MTTP: variants seen among roughly 807,000 people sequenced by gnomAD.
MTTP encodes microsomal triglyceride transfer protein large subunit.
In MTTP, 49 loss-of-function variants were observed where a neutral mutation model predicts 90.6. The ratio of observed to expected loss-of-function variants is 0.54; its 90% CI spans 0.43 to 0.69. The LOEUF (loss-of-function observed/expected upper bound fraction) is 0.69. MTTP is among the 30% of genes least tolerant of loss of function. MTTP has a pLI of 0.00. For synonymous variants in MTTP, 347 were observed against 384.2 expected (o/e 0.90, Z 1.13); for missense variants, 945 against 1,067.5 (o/e 0.89, Z 1.60).
chr4:99,566,470 T>G (rs1373929865), intron 1 of MTTP, among the ~76,000 whole-genome samples: 1 of 152,110 alleles, frequency 6.6e-6, no homozygotes, highest in Non-Finnish European at 1.5e-5. Flanking sequence ...TACTACTCCA[T>G]GGGTTACAAA....
chr4:99,598,888 C>A (rs1393818920), intron 8 of MTTP, among the ~76,000 whole-genome samples: 2 of 152,022 alleles, frequency 1.3e-5, no homozygotes, highest in African/African-American at 4.8e-5. Context: ...GTCTCAAACT[C>A]CTGACCTCAG....
chr4:99,600,138 A>G lies in MTTP; in HGVS notation c.1068-427A>G, dbSNP rs185204135. 2.1e-3 allele frequency among the ~76,000 whole-genome samples: 321 copies of G among 152,312 alleles called. 1 individual carries two copies. Among genetic ancestry groups the G allele is most frequent in the Non-Finnish European group, 3.3e-3 (222 of 68,010 alleles). On this transcript the variant is annotated intron_variant, in intron 8 of 17. Coordinates refer to ENST00000265517, the MANE Select transcript of MTTP (RefSeq NM_001386140.1). ...CATCAAATAATACTGCTTTAGTTCA[A>G]TTAGGCACTTCTGAAATAGGTTTGT...
rs1441620485 is a variant in MTTP, at chr4:99,621,160, C to T, written c.2442C>T (p.Ile814=). 1.9e-6 allele frequency: 3 copies of T among 1,613,960 alleles called. No individual in the cohort carries two copies. The highest frequency in any genetic ancestry group is 2.2e-5 in the East Asian group (1 of 44,902). Reference sequence around the variant, plus strand: ...AAACAGAAGCAGGCTTGGAGTTTATCTCCACAGTGCAGTTTTCTCAGTACC... The same window carrying T: ...AAACAGAAGCAGGCTTGGAGTTTATTTCCACAGTGCAGTTTTCTCAGTACC... The part of the protein sequence containing the change: ...STETEAGLEF[I]STVQFSQYPF... Residue 814 remains isoleucine, a synonymous_variant, in exon 17 of 18, where the codon ATC becomes ATT. Transcript: ENST00000265517.
At chr4:99,565,528 TTATG>T (rs1274350851) in intron 1 of MTTP, among the ~76,000 whole-genome samples, 11 of 152,234 alleles carry the variant, frequency 7.2e-5, no homozygotes, top group African/African-American at 2.4e-4. Flanking sequence ...TTTGTAAAAT[TTATG>T]TATTTATTTA....
At chr4:99,564,806 T>C (rs1210911152) in intron 1 of MTTP, among the ~76,000 whole-genome samples, 3 of 152,216 alleles carry the variant, frequency 2.0e-5, no homozygotes, top group Non-Finnish European at 4.4e-5. Context: ...CTTGAAGATA[T>C]TTGAACATGT....
chr4:99,570,825 A>G, upstream of MTTP: 1 of 454,908 alleles, frequency 2.2e-6, no homozygotes, highest in Admixed American at 2.4e-5. Flanking sequence ...GGAAGGGACC[A>G]CGAGTCAAGG....
Position 99,619,040 on chromosome 4 carries a change from T to C in MTTP, c.2284T>C (p.Ser762Pro), listed in dbSNP as rs1448740383. The C allele has an allele frequency of 6.2e-7, 1 of 1,613,740 alleles. No individual in the cohort carries two copies. Among genetic ancestry groups the C allele is most frequent in the Non-Finnish European group, 8.5e-7 (1 of 1,179,694 alleles). The change falls in exon 16 of 18, where the codon TCA (serine) becomes CCA (proline). Residue 762 changes from serine to proline, a missense_variant. Transcript: ENST00000265517. ...CCAGGGTGGTCTAGCTATTGATATT[T>C]CAGGTGCAATGGAGTTTAGCTTGTG... The part of the protein sequence containing the change: ...EVQGGLAIDI[S>P]GAMEFSLWYR...
chr4:99,576,330 T>C lies in MTTP; in HGVS notation c.61+1360T>C, dbSNP rs554332346. On this transcript the variant is annotated intron_variant, in intron 1 of 17. Coordinates refer to ENST00000265517, the MANE Select transcript of MTTP (RefSeq NM_001386140.1). ...AAAAATAATTGAGACATGGTACTTATCATGAGCTTCTCCTGTTTTCCCATT... is the reference window on the plus strand; with the variant it reads ...AAAAATAATTGAGACATGGTACTTACCATGAGCTTCTCCTGTTTTCCCATT... Among the ~76,000 whole-genome samples the C allele has an allele frequency of 3.3e-5, 5 of 152,314 alleles. No individual in the cohort carries two copies. In the South Asian group the frequency reaches 1.0e-3, roughly 32 times the overall value.
At chr4:99,594,711 A>G (rs1306988496) in intron 6 of MTTP, 22 bp from the exon 7 acceptor site, 2 of 1,613,468 alleles carry the variant, frequency 1.2e-6, no homozygotes, top group Non-Finnish European at 1.7e-6. Context: ...ATAATATAGC[A>G]TTTCCCTTTG....
At chr4:99,592,355 A>G (rs1347992524) in intron 6 of MTTP, among the ~76,000 whole-genome samples, 1 of 152,210 alleles carries the variant, frequency 6.6e-6, no homozygotes, top group African/African-American at 2.4e-5. Context: ...TTCCTCCATC[A>G]TAAATTAACC....
At chr4:99,571,623 G>T (rs75346159), upstream of MTTP, among the ~76,000 whole-genome samples, 1,745 of 151,950 alleles carry the variant, frequency 0.011, 19 homozygotes, top group Middle Eastern at 0.027. Flanking sequence ...TAGATTCCCA[G>T]TGTTTCAAAC....
chr4:99,574,331 G>T (rs1800591), upstream of MTTP, among the ~76,000 whole-genome samples: 39,847 of 152,084 alleles, frequency 0.26, 5,385 homozygotes, highest in South Asian at 0.35. Flanking sequence ...AGTGATTGGT[G>T]GTGGTATGAA....
chr4:99,587,758 G>A (rs758399650), intron 3 of MTTP, among the ~76,000 whole-genome samples: 4 of 152,042 alleles, frequency 2.6e-5, no homozygotes, highest in Non-Finnish European at 4.4e-5. Context: ...TGACTATTTT[G>A]GGGCAATCTA....
chr4:99,564,216 G>A, exon 1 of MTTP: 2 of 1,535,602 alleles, frequency 1.3e-6, no homozygotes, highest in Non-Finnish European at 1.7e-6. Flanking sequence ...ACCTGCAGAC[G>A]TGTATTCATT....
chr4:99,586,779 T>C (rs1725269312), intron 3 of MTTP, among the ~76,000 whole-genome samples: 1 of 152,104 alleles, frequency 6.6e-6, no homozygotes, highest in South Asian at 2.1e-4. Context: ...ATCTTCTTCC[T>C]AAGGAAAAAA....
Position 99,612,894 on chromosome 4 carries a change from T to C in MTTP, c.1990-19T>C. On this transcript the variant is annotated intron_variant, in intron 14 of 17. Coordinates refer to ENST00000265517, the MANE Select transcript of MTTP (RefSeq NM_001386140.1). The stretch of plus-strand genomic sequence containing the variant: ...AGGCAGGGAGCTTGCGTCATGAACA[T>C]TATATTGATTTTATCCAGGTGGTTA... 6.2e-7 allele frequency: 1 copy of C among 1,602,428 alleles called. No homozygotes were observed. The highest frequency in any genetic ancestry group is 8.5e-7 in the Non-Finnish European group (1 of 1,169,694).
chr4:99,564,312 TTC>T, intron 1 of MTTP: 1 of 1,420,992 alleles, frequency 7.0e-7, no homozygotes, highest in South Asian at 1.3e-5. Flanking sequence ...CTCCTAATTT[TTC>T]TGTGTTGAAA....
At chr4:99,572,654 C>T (rs1724864547), upstream of MTTP, among the ~76,000 whole-genome samples, 1 of 151,914 alleles carries the variant, frequency 6.6e-6, no homozygotes, top group Non-Finnish European at 1.5e-5. Context: ...CTGTGCTTTG[C>T]TTCTGCCCTG....
At chr4:99,594,662 G>C (rs1042559358) in intron 6 of MTTP, 71 bp from the exon 7 acceptor site, 4 of 1,558,564 alleles carry the variant, frequency 2.6e-6, no homozygotes, top group Non-Finnish European at 3.5e-6. Flanking sequence ...TTTGCCAAAA[G>C]AATGGCAATT....
Sources: gnomAD v4.1 joint callset for allele counts (sites outside exome capture counted in the v4.1 genomes callset) on GRCh38, gnomAD v4.1.1 for gene constraint, MANE v1.5 for transcripts, NCBI Gene and HGNC (gene_info 2026-07-23, HGNC 2026-07-21) for gene names.